Variants in ANTXR2 observed in about 807,000 individuals in gnomAD.
The protein encoded by ANTXR2 is ANTXR cell adhesion molecule 2.
In ANTXR2, 44 loss-of-function variants were observed where a neutral mutation model predicts 73.7. The ratio of observed to expected loss-of-function variants is 0.60; its 90% CI spans 0.47 to 0.77. The LOEUF (loss-of-function observed/expected upper bound fraction) is 0.77. Among genes scored for constraint, ANTXR2 ranks in the 30% least tolerant of loss-of-function variants. The pLI is 0.00. For missense variants in ANTXR2, 604 were observed against 592.5 expected, an observed-to-expected ratio of 1.02 and a Z score of -0.20; for synonymous variants, 217 against 205.9, an observed-to-expected ratio of 1.05 and a Z score of -0.46.
chr4:79,910,532 G>A (rs28447195), intron 16 of ANTXR2, among the ~76,000 whole-genome samples: 65 of 137,456 alleles, frequency 4.7e-4, no homozygotes, highest in Admixed American at 1.5e-3. Context: ...AGAAAAAAAA[G>A]AAAAAAAAAA....
intron 12 of ANTXR2, among the ~76,000 whole-genome samples, chr4:79,991,752 C>G (rs921015873): frequency 6.6e-6 from 1 of 152,030 alleles, no homozygotes; most frequent in African/African-American, 2.4e-5. Flanking sequence ...ACAGATACAC[C>G]AGTGAATACT....
At chr4:80,040,232 G>T in intron 7 of ANTXR2, among the ~76,000 whole-genome samples, 1 of 144,686 alleles carries the variant, frequency 6.9e-6, no homozygotes, top group East Asian at 1.9e-4. Flanking sequence ...AATACACCTA[G>T]GTGACAAACC....
chr4:80,012,474 C>A (rs550258521), intron 11 of ANTXR2, among the ~76,000 whole-genome samples: 2 of 151,958 alleles, frequency 1.3e-5, no homozygotes, highest in African/African-American at 2.4e-5. Context: ...GCTGTTTTTG[C>A]ACTACAATGG....
At chr4:79,987,649 G>A (rs1288219757) in intron 12 of ANTXR2, among the ~76,000 whole-genome samples, 1 of 151,976 alleles carries the variant, frequency 6.6e-6, no homozygotes, top group Non-Finnish European at 1.5e-5. Flanking sequence ...TACTAGAAAA[G>A]ATAAGATATC....
chr4:80,027,621 A>T (rs138889633), intron 10 of ANTXR2, among the ~76,000 whole-genome samples: 4 of 152,284 alleles, frequency 2.6e-5, no homozygotes, highest in Admixed American at 2.6e-4. Flanking sequence ...TTTTGAAAGC[A>T]CATTTAACTA....
At chr4:80,066,760 T>C (rs1734516070) in intron 3 of ANTXR2, among the ~76,000 whole-genome samples, 2 of 152,190 alleles carry the variant, frequency 1.3e-5, no homozygotes, top group African/African-American at 4.8e-5. Context: ...GCCGTCATTA[T>C]ATAGATGAAA....
At chr4:79,996,859 G>A (rs1190757280) in intron 12 of ANTXR2, among the ~76,000 whole-genome samples, 1 of 151,940 alleles carries the variant, frequency 6.6e-6, no homozygotes, top group Non-Finnish European at 1.5e-5. Context: ...ATATTGCCTA[G>A]TTGCCAGAAT....
Position 79,978,018 on chromosome 4 carries a change from T to A in ANTXR2, c.1336A>T (p.Thr446Ser), listed in dbSNP as rs201730036. The A allele has an allele frequency of 2.0e-4, 326 of 1,597,188 alleles. 1 individual carries two copies. Among genetic ancestry groups the A allele is most frequent in the African/African-American group, 1.4e-5 (1 of 73,564 alleles). ...THQPPQTKWYTPIKGRLDALW... is the reference protein window; with the variant it reads ...THQPPQTKWYSPIKGRLDALW... ...ATCTGGACACATACCTTAATTGGGG[T>A]GTACCATTTTGTCTGAGGAGGCTGG... The change falls in exon 15 of 17, where the codon ACC (threonine) becomes TCC (serine). Residue 446 changes from threonine (T) to serine (S), a missense_variant. Transcript: ENST00000403729.
intron 12 of ANTXR2, among the ~76,000 whole-genome samples, chr4:79,998,408 T>C (rs868668216): frequency 6.6e-6 from 1 of 152,004 alleles, no homozygotes; most frequent in Admixed American, 6.6e-5. Flanking sequence ...TGCAGCTATA[T>C]AACACAATCT....
chr4:79,985,689 T>C (rs1730113601), intron 12 of ANTXR2, among the ~76,000 whole-genome samples: 1 of 152,140 alleles, frequency 6.6e-6, no homozygotes, highest in Non-Finnish European at 1.5e-5. Context: ...GGCACCTGAC[T>C]GTAACCACAA....
intron 16 of ANTXR2, among the ~76,000 whole-genome samples, chr4:79,938,064 C>T (rs1728352511): frequency 7.5e-5 from 2 of 26,500 alleles, no homozygotes; most frequent in Admixed American, 3.9e-4. Flanking sequence ...ACACCTGGCT[C>T]GGAGGGTCCT....
chr4:80,008,615 G>C lies in ANTXR2; in HGVS notation c.947C>G (p.Ser316Cys). ...AACAATGATGGCTGCGATCCCGTTA[G>C]ACTAAAGTAGGCAAAAAGCAAAAAC... The part of the protein sequence containing the change: ...GSLIVTATEC[S>C]NGIAAIIVIL... The change falls in exon 12 of 17, where the codon TCT (serine) becomes TGT (cysteine). Residue 316 changes from serine (S) to cysteine (C), a missense_variant and splice_region_variant. Physicochemically the swap from Ser to Cys is moderately radical, Grantham distance 112. Transcript: ENST00000403729. The C allele has an allele frequency of 6.3e-7, 1 of 1,589,236 alleles. No individual in the cohort carries two copies. Among genetic ancestry groups the C allele is most frequent in the Non-Finnish European group, 8.5e-7 (1 of 1,170,962 alleles).
intron 16 of ANTXR2, among the ~76,000 whole-genome samples, chr4:79,936,659 C>T (rs1229508460): frequency 1.3e-5 from 2 of 151,960 alleles, no homozygotes; most frequent in African/African-American, 2.4e-5. Flanking sequence ...AAAAAAAATC[C>T]TTTATTAAAC....
At chr4:80,023,598 A>G (rs1212440442) in intron 10 of ANTXR2, among the ~76,000 whole-genome samples, 3 of 152,220 alleles carry the variant, frequency 2.0e-5, no homozygotes, top group African/African-American at 7.2e-5. Flanking sequence ...GAGATTCAAC[A>G]GACTTGGCCT....
rs549877134 is a variant in ANTXR2, at chr4:80,026,591, TAATTATCTACTAAATAATTTAGTAG to T, written c.866+5007_866+5031del. Among the ~76,000 whole-genome samples, 28 of 152,282 alleles carry T rather than the reference TAATTATCTACTAAATAATTTAGTAG, an allele frequency of 1.8e-4. No individual in the cohort carries two copies. The South Asian group carries it at 3.5e-3, about 19-fold the overall frequency. On this transcript the variant is annotated intron_variant, in intron 10 of 16. Transcript: ENST00000403729. Reference sequence around the variant, plus strand: ...CTTTAAATACTTTTCATTGTCCAAATAATTATCTACTAAATAATTTAGTAGAATTATCTACTAAATAATTCTAAAT... The same window carrying T: ...CTTTAAATACTTTTCATTGTCCAAATAATTATCTACTAAATAATTCTAAAT...
intron 8 of ANTXR2, among the ~76,000 whole-genome samples, chr4:80,035,425 C>A (rs62298640): frequency 0.1 from 15,182 of 152,084 alleles, 1,853 homozygotes; most frequent in East Asian, 0.64. Context: ...GTAGGTCAGG[C>A]TTGAAAAAGA....
chr4:80,053,894 A>G (rs968617653), intron 7 of ANTXR2, among the ~76,000 whole-genome samples: 2 of 151,750 alleles, frequency 1.3e-5, no homozygotes, highest in Non-Finnish European at 3.0e-5. Context: ...AACAGATACT[A>G]TATTTGGAGA....
chr4:80,043,150 G>A (rs550735412), intron 7 of ANTXR2, among the ~76,000 whole-genome samples: 1 of 152,080 alleles, frequency 6.6e-6, no homozygotes, highest in East Asian at 1.9e-4. Flanking sequence ...ACTTCATCCT[G>A]AAGCAAAATA....
rs553432627 is a variant in ANTXR2, at chr4:80,015,532, C to A, written c.945+3366G>T. Among the ~76,000 whole-genome samples, 74 of 152,036 alleles carry A rather than the reference C, an allele frequency of 4.9e-4. 3 individuals are homozygous for A. Among genetic ancestry groups the A allele is most frequent in the Admixed American group, 4.2e-3 (64 of 15,272 alleles). On this transcript the variant is annotated intron_variant, in intron 11 of 16. Transcript: ENST00000403729. ...CATGTCATTACTAATTTAATCTTCC[C>A]AAAATAGTATGTTTCACCATCACAT...
Sources: allele counts gnomAD v4.1 joint callset (sites outside exome capture counted in the v4.1 genomes callset), GRCh38; gene constraint gnomAD v4.1.1; transcripts MANE v1.5; gene names NCBI Gene and HGNC (gene_info 2026-07-23, HGNC 2026-07-21).